The following FSHR variants were observed in gnomAD, a reference collection of about 807,000 sequenced individuals.
The protein encoded by FSHR is follicle stimulating hormone receptor, also known as follicle-stimulating hormone receptor.
FSHR carries 46 observed loss-of-function variants against 52.1 expected under a neutral mutation model. The observed-to-expected ratio is 0.88, with a 90% confidence interval of 0.70 to 1.13. FSHR has a LOEUF of 1.13. Ranked by LOEUF, FSHR falls within the 50% of genes most tolerant of loss-of-function variation. The probability of loss-of-function intolerance (pLI) is 0.00; values close to 1 mark genes in which losing one functional copy is unlikely to be tolerated. For missense variants in FSHR, 964 were observed against 834.6 expected, an observed-to-expected ratio of 1.16 and a Z score of -1.91; for synonymous variants, 399 against 309.6, an observed-to-expected ratio of 1.29 and a Z score of -3.03.
At chr2:49,140,154 A>G (rs773343215) in intron 1 of FSHR, among the ~76,000 whole-genome samples, 6 of 152,082 alleles carry the variant, frequency 3.9e-5, no homozygotes, top group Non-Finnish European at 8.8e-5. Context: ...GTTAAAATAT[A>G]ATCCCCAATT....
chr2:49,125,485 A>G (rs1303801526), intron 1 of FSHR, among the ~76,000 whole-genome samples: 2 of 152,190 alleles, frequency 1.3e-5, no homozygotes, highest in African/African-American at 4.8e-5. Context: ...GTTCATTATC[A>G]GTCATCTGCT....
At chr2:49,041,954 C>G (rs1244407825) in intron 2 of FSHR, among the ~76,000 whole-genome samples, 4 of 152,238 alleles carry the variant, frequency 2.6e-5, no homozygotes, top group African/African-American at 9.6e-5. Context: ...TGAGACCAGC[C>G]TGGCAACATG....
chr2:49,149,715 A>G (rs1274795678), intron 1 of FSHR, among the ~76,000 whole-genome samples: 1 of 152,018 alleles, frequency 6.6e-6, no homozygotes, highest in Non-Finnish European at 1.5e-5. Flanking sequence ...CCTAATAATA[A>G]TCTGTGGTTA....
At chr2:49,032,737 G>C (rs1220336300) in intron 2 of FSHR, among the ~76,000 whole-genome samples, 1 of 152,182 alleles carries the variant, frequency 6.6e-6, no homozygotes, top group East Asian at 1.9e-4. Flanking sequence ...AGGAGGAGCA[G>C]GATCTGGGTC....
chr2:49,017,479 G>C lies in FSHR; in HGVS notation c.374+10C>G. On this transcript the variant is annotated intron_variant, in intron 4 of 9. Coordinates refer to ENST00000406846, the MANE Select transcript of FSHR (RefSeq NM_000145.4). ...TCATAGTGGGGGTACCAAACTACAT[G>C]AGTTCTTACAGATATTGAAGGTTGG... The C allele has an allele frequency of 6.2e-7, 1 of 1,602,374 alleles. No individual in the cohort carries two copies. Among genetic ancestry groups the C allele is most frequent in the Non-Finnish European group, 8.5e-7 (1 of 1,169,770 alleles).
intron 2 of FSHR, among the ~76,000 whole-genome samples, chr2:49,065,402 G>A (rs1325778247): frequency 6.6e-6 from 1 of 152,076 alleles, no homozygotes; most frequent in Admixed American, 6.6e-5. Flanking sequence ...GGATATCAGA[G>A]TACATCTGAG....
chr2:49,130,289 A>G (rs969615830), intron 1 of FSHR, among the ~76,000 whole-genome samples: 1 of 152,274 alleles, frequency 6.6e-6, no homozygotes, highest in African/African-American at 2.4e-5. Context: ...ATTTGCCTGT[A>G]TTGTTATCAT....
Position 48,976,934 on chromosome 2 carries a change from C to G in FSHR, c.668+5978G>C, listed in dbSNP as rs1318299000. Among the ~76,000 whole-genome samples the G allele has an allele frequency of 5.3e-5, 8 of 152,228 alleles. No homozygotes were observed. The East Asian group carries it at 1.5e-3, about 29-fold the overall frequency. On this transcript the variant is annotated intron_variant, in intron 8 of 9. Transcript: ENST00000406846. ...TTTGTTATTCTCTTCCAAAAGCCAG[C>G]TCCTGGATTTACTGACGTTTTTGAG...
chr2:49,098,172 T>C (rs754229618), intron 1 of FSHR, among the ~76,000 whole-genome samples: 39 of 152,210 alleles, frequency 2.6e-4, no homozygotes, highest in Non-Finnish European at 8.8e-5. Context: ...GTTTGAAATT[T>C]AAATTTGTAA....
chr2:49,145,356 TC>T (rs950099629), intron 1 of FSHR, among the ~76,000 whole-genome samples: 14 of 152,118 alleles, frequency 9.2e-5, no homozygotes, highest in African/African-American at 3.1e-4. Flanking sequence ...ATATTTTAGT[TC>T]AGGTCTGTGC....
At chr2:49,066,009 G>A (rs13008324) in intron 2 of FSHR, among the ~76,000 whole-genome samples, 58,186 of 151,912 alleles carry the variant, frequency 0.38, 11,340 homozygotes, top group East Asian at 0.54. Context: ...TCTTGTAACT[G>A]TGGTATTTTT....
intron 1 of FSHR, among the ~76,000 whole-genome samples, chr2:49,119,900 G>A (rs868311346): frequency 1.3e-4 from 20 of 152,158 alleles, no homozygotes; most frequent in South Asian, 2.1e-4. Context: ...TAGGGTTACC[G>A]TGAGAAATCA....
chr2:48,990,465 G>C (rs1400841702), intron 5 of FSHR, 101 bp downstream of exon 5: 1 of 828,328 alleles, frequency 1.2e-6, no homozygotes, highest in Non-Finnish European at 2.1e-6. Flanking sequence ...CAATACATTT[G>C]GAGGATGTAG....
chr2:49,068,975 G>C (rs952873512), intron 1 of FSHR, among the ~76,000 whole-genome samples: 18 of 151,904 alleles, frequency 1.2e-4, no homozygotes, highest in African/African-American at 4.4e-4. Context: ...ATAAAAGCAT[G>C]CCATAATGTC....
At chr2:48,984,346 C>G (rs560175038) in intron 6 of FSHR, among the ~76,000 whole-genome samples, 1 of 152,222 alleles carries the variant, frequency 6.6e-6, no homozygotes, top group Non-Finnish European at 1.5e-5. Flanking sequence ...CCAGGCACAT[C>G]TGGACTCCTG....
In FSHR at chr2:48,963,123, A is replaced by T; in HGVS notation, c.1698T>A (p.Ser566Arg). ...CCATGCGCTTGGCGATCCTGGTGTC[A>T]CTAGAGGAGGACACGATGTTGGGGT... is the stretch of plus-strand genomic sequence containing the variant. ...VRNPNIVSSS[S>R]DTRIAKRMAM... Residue 566 changes from serine (S) to arginine (R), a missense_variant, in exon 10 of 10, where the codon AGT becomes AGA. Coordinates refer to ENST00000406846, the MANE Select transcript of FSHR (RefSeq NM_000145.4). 1.2e-6 allele frequency: 2 copies of T among 1,614,112 alleles called. No individual in the cohort carries two copies. The highest frequency in any genetic ancestry group is 1.7e-6 in the Non-Finnish European group (2 of 1,180,014).
At chr2:49,139,716 G>C (rs567405815) in intron 1 of FSHR, among the ~76,000 whole-genome samples, 10 of 151,418 alleles carry the variant, frequency 6.6e-5, no homozygotes, top group Admixed American at 6.6e-4. Context: ...TCCTGCCTCA[G>C]CCTCCTGAGT....
chr2:49,023,344 G>A (rs1190373475), intron 2 of FSHR, among the ~76,000 whole-genome samples: 1 of 152,134 alleles, frequency 6.6e-6, no homozygotes, highest in Non-Finnish European at 1.5e-5. Flanking sequence ...CCCAATAAAT[G>A]ATTACTGGAT....
chr2:48,983,240 C>T lies in FSHR; in HGVS notation c.525-74G>A, dbSNP rs1354885807. The T allele has an allele frequency of 5.7e-6, 8 of 1,398,566 alleles. No individual in the cohort carries two copies. In the African/African-American group the frequency reaches 7.1e-5, roughly 12 times the overall value. The allele number at this position is 1,398,566 out of a possible 1,614,324, so 86.6% of individuals were successfully genotyped here. A position where few individuals can be genotyped will look rare whatever the true frequency, so the allele number is the denominator to read the frequency against. On this transcript the variant is annotated intron_variant, in intron 6 of 9. Transcript: ENST00000406846. ...TACACGGGTTTCATAATTGGAAGCA[C>T]TGAGCAAGGGCAGACAGCACAGGTT...
Sources: gnomAD v4.1 joint callset for allele counts (sites outside exome capture counted in the v4.1 genomes callset) on GRCh38, gnomAD v4.1.1 for gene constraint, MANE v1.5 for transcripts, NCBI Gene and HGNC (gene_info 2026-07-23, HGNC 2026-07-21) for gene names.